GALNT18: variants seen among roughly 807,000 people sequenced by gnomAD.
The protein encoded by GALNT18 is GalNAc-transferase 18.
Under a neutral mutation model 69.5 loss-of-function variants are expected in GALNT18, and 44 were observed. The ratio of observed to expected loss-of-function variants is 0.63; its 90% CI spans 0.50 to 0.81. The LOEUF is 0.81. GALNT18 is among the 40% of genes least tolerant of loss of function. GALNT18 has a pLI of 0.00. For missense variants in GALNT18, 715 were observed against 810.0 expected (o/e 0.88, Z 1.42); for synonymous variants, 364 against 318.2 (o/e 1.14, Z -1.53).
At position 11,314,838 on chromosome 11, in the gene GALNT18, C is replaced by A. The variant is rs1849723956; in HGVS notation, c.1512+12248G>T. Reference sequence around the variant, plus strand: ...CTCTTCCCAGCCTTCGCCGTGGGAGCAGTTGCTCCTGGCTGTGACATAGTA... The same window carrying A: ...CTCTTCCCAGCCTTCGCCGTGGGAGAAGTTGCTCCTGGCTGTGACATAGTA... On this transcript the variant is annotated intron_variant, in intron 9 of 10. Transcript: ENST00000227756. The surrounding 1 kb of genome is among the most constrained non-coding windows in gnomAD (Gnocchi z 5.2). Among the ~76,000 whole-genome samples the A allele has an allele frequency of 6.7e-6, 1 of 149,652 alleles. No homozygotes were observed. The highest frequency in any genetic ancestry group is 6.6e-5 in the Admixed American group (1 of 15,058).
chr11:11,328,968 G>T (rs146196309), intron 8 of GALNT18, among the ~76,000 whole-genome samples: 1 of 152,156 alleles, frequency 6.6e-6, no homozygotes, highest in East Asian at 1.9e-4. Flanking sequence ...GTCCTCCCTG[G>T]CTCTGTGCCA....
At chr11:11,508,283 C>G (rs1857106285) in intron 1 of GALNT18, among the ~76,000 whole-genome samples, 1 of 152,094 alleles carries the variant, frequency 6.6e-6, no homozygotes, top group African/African-American at 2.4e-5. Context: ...AGAGGATACG[C>G]TATTTGAGGT....
At chr11:11,322,680 A>T (rs1849858050) in intron 9 of GALNT18, among the ~76,000 whole-genome samples, 2 of 152,278 alleles carry the variant, frequency 1.3e-5, no homozygotes, top group Non-Finnish European at 2.9e-5. Flanking sequence ...CTAGAACTCT[A>T]ATATAAAGCT....
In GALNT18 at chr11:11,372,793, A is replaced by G. The variant is rs1850943275; in HGVS notation, c.978-164T>C. Among the ~76,000 whole-genome samples the G allele has an allele frequency of 6.6e-6, 1 of 152,138 alleles. No homozygotes were observed. The highest frequency in any genetic ancestry group is 2.4e-5 in the African/African-American group (1 of 41,428). On this transcript the variant is annotated intron_variant, in intron 5 of 10. Coordinates refer to ENST00000227756, the MANE Select transcript of GALNT18 (RefSeq NM_198516.3). The surrounding 1 kb of genome is among the most constrained non-coding windows in gnomAD (Gnocchi z 4.9). ...TGGCCCCTGGGTCTGGCCTCACCCA[A>G]CCACTCCAGAAAGGCTGTTTCATCC... is the stretch of plus-strand genomic sequence containing the variant.
chr11:11,406,465 G>T (rs1194820730), intron 3 of GALNT18, among the ~76,000 whole-genome samples: 1 of 152,222 alleles, frequency 6.6e-6, no homozygotes, highest in Non-Finnish European at 1.5e-5. Context: ...TGAACTGAAA[G>T]CTGGTAAGTA....
chr11:11,428,729 G>A (rs1260079157), intron 3 of GALNT18, among the ~76,000 whole-genome samples: 5 of 152,206 alleles, frequency 3.3e-5, no homozygotes, highest in Non-Finnish European at 4.4e-5. Context: ...ATTCTAATAT[G>A]CACTCAGGGT....
chr11:11,305,953 C>T (rs1420513929), intron 9 of GALNT18, among the ~76,000 whole-genome samples: 1 of 152,108 alleles, frequency 6.6e-6, no homozygotes. Flanking sequence ...TGCCTCGTAC[C>T]CCTTACTCCA....
At position 11,562,181 on chromosome 11, in the gene GALNT18, C is replaced by T. The variant is rs997913940; in HGVS notation, c.235+59178G>A. 2.6e-5 allele frequency among the ~76,000 whole-genome samples: 4 copies of T among 152,172 alleles called. No homozygotes were observed. Among genetic ancestry groups the T allele is most frequent in the Admixed American group, 6.5e-5 (1 of 15,276 alleles). Reference sequence around the variant, plus strand: ...CTCACAGTTCTGGGAGCTAGACGTCCGCAATCAAGGTGCCAGCAAGATTGG... The same window carrying T: ...CTCACAGTTCTGGGAGCTAGACGTCTGCAATCAAGGTGCCAGCAAGATTGG... On this transcript the variant is annotated intron_variant, in intron 1 of 10. Transcript: ENST00000227756. This position sits in a 1 kb window ranked among gnomAD's most constrained non-coding sequence, Gnocchi z 4.1.
intron 1 of GALNT18, among the ~76,000 whole-genome samples, chr11:11,535,263 A>C (rs1857749818): frequency 6.6e-6 from 1 of 152,186 alleles, no homozygotes; most frequent in African/African-American, 2.4e-5. Context: ...AAAGCGTGAG[A>C]TACTGAATGA....
intron 1 of GALNT18, among the ~76,000 whole-genome samples, chr11:11,481,716 A>G (rs1478444235): frequency 6.6e-6 from 1 of 152,162 alleles, no homozygotes; most frequent in African/African-American, 2.4e-5. Context: ...ATCAGTGTGC[A>G]CTGAAGGAGT....
At chr11:11,548,953 A>T (rs1858128466) in intron 1 of GALNT18, among the ~76,000 whole-genome samples, 2 of 152,228 alleles carry the variant, frequency 1.3e-5, no homozygotes, top group African/African-American at 4.8e-5. Flanking sequence ...TAGTTAGAAC[A>T]CTCAAATTAT....
At chr11:11,513,778 G>A (rs75800970) in intron 1 of GALNT18, among the ~76,000 whole-genome samples, 20,134 of 152,254 alleles carry the variant, frequency 0.13, 1,752 homozygotes, top group Middle Eastern at 0.18. Context: ...ACTGTTCAGG[G>A]GGAACATAAT....
intron 1 of GALNT18, among the ~76,000 whole-genome samples, chr11:11,561,907 A>G (rs10741555): frequency 0.85 from 129,907 of 152,234 alleles, 55,603 homozygotes; most frequent in African/African-American, 0.86. Flanking sequence ...TCCACAGGAG[A>G]ACAGGTATTA....
At chr11:11,343,609 T>C (rs1343996994) in intron 6 of GALNT18, among the ~76,000 whole-genome samples, 1 of 152,156 alleles carries the variant, frequency 6.6e-6, no homozygotes, top group African/African-American at 2.4e-5. Flanking sequence ...GGGACAGTCC[T>C]GATTTCCAAT....
In GALNT18 at chr11:11,369,478, C is replaced by T. The variant is rs758439375; in HGVS notation, c.1092+3037G>A. 7.7e-4 allele frequency among the ~76,000 whole-genome samples: 117 copies of T among 152,138 alleles called. 1 individual carries two copies. Among genetic ancestry groups the T allele is most frequent in the Non-Finnish European group, 1.3e-3 (91 of 68,018 alleles). On this transcript the variant is annotated intron_variant, in intron 6 of 10. Transcript: ENST00000227756. ...CCTCTTCTTATAAGGACATCAGTCT[C>T]GTTGGATTAGGGCCCACCCTAATCC...
chr11:11,371,646 GGACA>G (rs1850908446), intron 6 of GALNT18, among the ~76,000 whole-genome samples: 1 of 145,448 alleles, frequency 6.9e-6, no homozygotes, highest in East Asian at 2.3e-4. Flanking sequence ...ATCGTGGGGA[GGACA>G]TCCTGCAGCT....
At chr11:11,329,070 AG>A (rs1475417755) in intron 8 of GALNT18, among the ~76,000 whole-genome samples, 4 of 147,678 alleles carry the variant, frequency 2.7e-5, no homozygotes, top group African/African-American at 1.0e-4. Flanking sequence ...GCTCCAGCTG[AG>A]GGGTCTTGAA....
Position 11,494,026 on chromosome 11 carries a change from A to G in GALNT18, c.236-45090T>C, listed in dbSNP as rs1453900777. On this transcript the variant is annotated intron_variant, in intron 1 of 10. Transcript: ENST00000227756. The surrounding 1 kb of genome is among the most constrained non-coding windows in gnomAD (Gnocchi z 5.7). ...AAGCCATCGGTGCCTCTGTTTTCTC[A>G]TCTATAAAATGGGATTGTAAAAGTA... 6.6e-6 allele frequency among the ~76,000 whole-genome samples: 1 copy of G among 152,166 alleles called. No individual in the cohort carries two copies. The highest frequency in any genetic ancestry group is 6.5e-5 in the Admixed American group (1 of 15,274).
rs1859230123 is a variant in GALNT18 at position 11,586,541 on chromosome 11, C to T, written c.235+34818G>A. On this transcript the variant is annotated intron_variant, in intron 1 of 10. Coordinates refer to ENST00000227756, the MANE Select transcript of GALNT18 (RefSeq NM_198516.3). This position sits in a 1 kb window ranked among gnomAD's most constrained non-coding sequence, Gnocchi z 4.1. ...TTCAGCCTCTGTGAAGTGAGATCTT[C>T]CCTGTTGACAGGCAGAAACCACCAG... Among the ~76,000 whole-genome samples the T allele has an allele frequency of 6.6e-6, 1 of 152,106 alleles. No homozygotes were observed. Among genetic ancestry groups the T allele is most frequent in the Admixed American group, 6.5e-5 (1 of 15,284 alleles).
Sources: allele counts gnomAD v4.1 joint callset (sites outside exome capture counted in the v4.1 genomes callset), GRCh38; gene constraint gnomAD v4.1.1; non-coding constraint Gnocchi (gnomAD v3.1); transcripts MANE v1.5; gene names NCBI Gene and HGNC (gene_info 2026-07-23, HGNC 2026-07-21).